Variants in ZPBP observed in about 807,000 individuals in gnomAD.
ZPBP encodes the protein zona pellucida binding protein.
ZPBP carries 26 observed loss-of-function variants against 44.8 expected under a neutral mutation model. The observed-to-expected ratio is 0.58, with a 90% CI of 0.43 to 0.81. ZPBP has a LOEUF of 0.81. Among genes scored for constraint, ZPBP ranks in the 30% least tolerant of loss-of-function variants. ZPBP has a pLI of 0.00. For synonymous variants in ZPBP, 174 were observed against 153.2 expected (o/e 1.14, Z -1.00); for missense variants, 409 against 434.0 (o/e 0.94, Z 0.51).
At chr7:49,912,766 T>C (rs1793525657) in intron 1 of ZPBP, 1 of 152,504 alleles carries the variant, frequency 6.6e-6, no homozygotes, top group Non-Finnish European at 1.5e-5. Flanking sequence ...ATATGGCTTT[T>C]ATCTGCTTCA....
At chr7:49,945,980 G>GT (rs759806284) in intron 7 of ZPBP, among the ~76,000 whole-genome samples, 31 of 151,844 alleles carry the variant, frequency 2.0e-4, no homozygotes, top group Admixed American at 3.3e-4. Flanking sequence ...TATCCGTTGT[G>GT]TTTTTTGATT....
intron 7 of ZPBP, among the ~76,000 whole-genome samples, chr7:49,974,992 T>C (rs1796444735): frequency 6.6e-6 from 1 of 152,160 alleles, no homozygotes; most frequent in African/African-American, 2.4e-5. Context: ...CACTTTGCTT[T>C]TATCCTCTAG....
intron 6 of ZPBP, among the ~76,000 whole-genome samples, chr7:50,003,055 C>T (rs1798163146): frequency 6.6e-6 from 1 of 152,148 alleles, no homozygotes; most frequent in Non-Finnish European, 1.5e-5. Flanking sequence ...TAATTCCCTA[C>T]TTGTTTTGGA....
chr7:49,842,712 A>C, the ZPBP span, among the ~76,000 whole-genome samples: 1 of 152,230 alleles, frequency 6.6e-6, no homozygotes, highest in Non-Finnish European at 1.5e-5. Context: ...CAAGTCCAAT[A>C]TTAGTGATTT....
intron 6 of ZPBP, among the ~76,000 whole-genome samples, chr7:49,990,399 C>T (rs143606559): frequency 0.019 from 2,865 of 152,202 alleles, 48 homozygotes; most frequent in Admixed American, 0.043. Context: ...GATACAAGGA[C>T]GGATGAAAGA....
chr7:49,952,054 G>T (rs1418569936), intron 7 of ZPBP, among the ~76,000 whole-genome samples: 2 of 151,778 alleles, frequency 1.3e-5, no homozygotes, highest in African/African-American at 4.8e-5. Context: ...TAGTTGCCAG[G>T]GGGTAATGGT....
intron 3 of ZPBP, among the ~76,000 whole-genome samples, chr7:50,078,890 G>C (rs1322621537): frequency 6.9e-6 from 1 of 145,032 alleles, no homozygotes; most frequent in Non-Finnish European, 1.5e-5. Flanking sequence ...ACTAAAAAAT[G>C]GGCAAAAGAC....
intron 1 of ZPBP, chr7:49,916,596 C>T (rs2128745107): frequency 6.6e-6 from 1 of 152,180 alleles, no homozygotes; most frequent in African/African-American, 2.4e-5. Context: ...TTTACAAATC[C>T]CTTTAGTTTG....
intron 1 of ZPBP, among the ~76,000 whole-genome samples, chr7:49,922,372 C>CT (rs1379240733): frequency 6.6e-6 from 1 of 152,052 alleles, no homozygotes; most frequent in Admixed American, 6.6e-5. Context: ...TGGAGAAAGG[C>CT]TTTTTAAAAA....
chr7:50,028,672 C>A (rs1285438346), intron 5 of ZPBP, among the ~76,000 whole-genome samples: 12 of 148,382 alleles, frequency 8.1e-5, no homozygotes, highest in East Asian at 3.9e-4. Context: ...AAAAAAAAAA[C>A]CCAGTGTATT....
chr7:50,013,090 A>C (rs1465527621), intron 6 of ZPBP, among the ~76,000 whole-genome samples: 1 of 152,010 alleles, frequency 6.6e-6, no homozygotes, highest in African/African-American at 2.4e-5. Flanking sequence ...AGACCTTTAC[A>C]CTAAAAAATG....
intron 2 of ZPBP, among the ~76,000 whole-genome samples, chr7:49,861,467 C>A (rs1473110675): frequency 6.6e-6 from 1 of 152,112 alleles, no homozygotes; most frequent in Non-Finnish European, 1.5e-5. Flanking sequence ...GATAAAATAT[C>A]CCATTATGCA....
rs201273041 is a variant in ZPBP, at chr7:50,058,132, C to T, written c.344G>A (p.Arg115His). The stretch of plus-strand genomic sequence containing the variant: ...TCCTGTGGATGTTATTTGTGCAGTG[C>T]GGTTTTCTACTAAAGGAATAAGATA... ...PKGKVVSVEN[R>H]TAQITSTGSL... The change falls in exon 4 of 8, where the codon CGC becomes CAC. Residue 115 changes from arginine to histidine, a missense_variant. By Grantham distance (29) the Arg-to-His change is conservative (BLOSUM62 0). Transcript: ENST00000046087. 477 of 1,613,572 alleles carry T rather than the reference C, an allele frequency of 3.0e-4. 4 individuals are homozygous for T. Among genetic ancestry groups the T allele is most frequent in the Middle Eastern group, 2.2e-3 (13 of 6,026 alleles).
intron 5 of ZPBP, among the ~76,000 whole-genome samples, chr7:50,028,937 A>G (rs1015457801): frequency 3.3e-5 from 5 of 152,302 alleles, no homozygotes; most frequent in South Asian, 2.1e-4. Flanking sequence ...TCCAGATCCA[A>G]TGAAATCCCT....
At chr7:50,035,501 C>T (rs760058377) in intron 4 of ZPBP, among the ~76,000 whole-genome samples, 6 of 152,156 alleles carry the variant, frequency 3.9e-5, no homozygotes, top group Non-Finnish European at 8.8e-5. Context: ...TTGAAAGTGT[C>T]TCAGGGACTC....
At chr7:49,967,407 C>T (rs1342890813) in intron 7 of ZPBP, among the ~76,000 whole-genome samples, 1 of 152,124 alleles carries the variant, frequency 6.6e-6, no homozygotes, top group Non-Finnish European at 1.5e-5. Flanking sequence ...CACCAAAATG[C>T]ATCGTACCTA....
chr7:50,021,961 C>T (rs948726265), intron 5 of ZPBP, among the ~76,000 whole-genome samples: 3 of 152,090 alleles, frequency 2.0e-5, no homozygotes, highest in African/African-American at 7.2e-5. Context: ...TAATTTGTCA[C>T]ATACTAGGTG....
chr7:50,014,374 A>T (rs1431943321), intron 6 of ZPBP, among the ~76,000 whole-genome samples: 1 of 152,098 alleles, frequency 6.6e-6, no homozygotes, highest in East Asian at 1.9e-4. Context: ...TGGCACTAGC[A>T]TAAGGACTGA....
intron 4 of ZPBP, among the ~76,000 whole-genome samples, chr7:50,047,877 G>A (rs923031408): frequency 6.6e-6 from 1 of 152,134 alleles, no homozygotes; most frequent in Admixed American, 6.6e-5. Context: ...AGTGGGTGGA[G>A]TGCGCGAGGA....
Sources: gnomAD v4.1 joint callset for allele counts (sites outside exome capture counted in the v4.1 genomes callset) on GRCh38, gnomAD v4.1.1 for gene constraint, MANE v1.5 for transcripts, NCBI Gene and HGNC (gene_info 2026-07-23, HGNC 2026-07-21) for gene names.